Variants in NLRP5 observed in about 807,000 individuals in gnomAD.
The protein encoded by NLRP5 is NACHT, LRR and PYD domains-containing protein 5.
NLRP5 carries 93 observed loss-of-function variants against 113.1 expected under a neutral mutation model. The observed-to-expected ratio is 0.82, with a 90% CI of 0.70 to 0.98. The LOEUF is 0.98. Among genes scored for constraint, NLRP5 ranks in the 50% least tolerant of loss-of-function variants. NLRP5 has a pLI of 0.00. For missense variants in NLRP5, 1,808 were observed against 1,514.3 expected (o/e 1.19, Z -3.22); for synonymous variants, 751 against 600.7 (o/e 1.25, Z -3.66).
In NLRP5 at chr19:56,035,571, C is replaced by T. The variant is rs190551352; in HGVS notation, c.2615+1862C>T. On this transcript the variant is annotated intron_variant, in intron 9 of 14. Coordinates refer to ENST00000390649, the MANE Select transcript of NLRP5 (RefSeq NM_153447.4). ...AAAGATGGATGGAGGCTATTTGGGG[C>T]CAAGGAAGGAAAAAGCATGAAGTCA... 2.8e-4 allele frequency among the ~76,000 whole-genome samples: 43 copies of T among 152,220 alleles called. 1 individual carries two copies. Among genetic ancestry groups the T allele is most frequent in the Admixed American group, 1.5e-3 (23 of 15,292 alleles).
chr19:56,021,174 T>C (rs1404480229), intron 6 of NLRP5, among the ~76,000 whole-genome samples: 1 of 152,126 alleles, frequency 6.6e-6, no homozygotes, highest in Non-Finnish European at 1.5e-5. Flanking sequence ...CCAGCTGCCT[T>C]CATGGCATTT....
At chr19:56,046,827 C>T (rs936013558) in intron 11 of NLRP5, among the ~76,000 whole-genome samples, 2 of 152,238 alleles carry the variant, frequency 1.3e-5, no homozygotes, top group Admixed American at 6.5e-5. Context: ...CCATCGCGCC[C>T]AGCCACCACT....
chr19:56,051,184 TTTTTTC>T (rs1983918953), intron 12 of NLRP5, among the ~76,000 whole-genome samples: 2 of 151,090 alleles, frequency 1.3e-5, no homozygotes, highest in Non-Finnish European at 2.9e-5. Context: ...TGCGTTCTCT[TTTTTTC>T]TTTTTGTTTG....
In NLRP5 at chr19:56,007,898, CGCGTGCGTGTGTGTGTGT is replaced by C. The variant is rs1387156739; in HGVS notation, c.443-888_443-871del. On this transcript the variant is annotated intron_variant, in intron 2 of 14. Coordinates refer to ENST00000390649, the MANE Select transcript of NLRP5 (RefSeq NM_153447.4). ...GTGTGTGTGTGTGTGTGCGCGTGCGCGCGTGCGTGTGTGTGTGTGTGTGTGTGTGTGTGTGTTTGAAAC... is the reference window on the plus strand; with the variant it reads ...GTGTGTGTGTGTGTGTGCGCGTGCGCGTGTGTGTGTGTGTGTGTTTGAAAC... Among the ~76,000 whole-genome samples the C allele has an allele frequency of 2.2e-4, 9 of 41,452 alleles. 2 individuals are homozygous for C. The South Asian group carries it at 2.8e-3, about 13-fold the overall frequency. 27.2% of individuals were successfully genotyped at this position (41,452 alleles called of 152,430 possible). A position where few individuals can be genotyped will look rare whatever the true frequency, so the allele number is the denominator to read the frequency against.
intron 6 of NLRP5, among the ~76,000 whole-genome samples, chr19:56,025,389 T>A (rs1982800058): frequency 1.4e-5 from 2 of 145,518 alleles, no homozygotes; most frequent in Admixed American, 1.4e-4. Context: ...TGCTCCGTTC[T>A]CTCTCTCTCT....
intron 3 of NLRP5, among the ~76,000 whole-genome samples, chr19:56,012,584 A>G (rs1195788913): frequency 6.6e-6 from 1 of 151,862 alleles, no homozygotes; most frequent in African/African-American, 2.4e-5. Flanking sequence ...CCCAAAAAAA[A>G]AAAAAAATCC....
rs757867752 is a variant in NLRP5 at position 56,015,723 on chromosome 19, TCTC to T, written c.509-17_509-15del. 16 of 1,553,504 alleles carry T rather than the reference TCTC, an allele frequency of 1.0e-5. No individual in the cohort carries two copies. The African/African-American group carries it at 1.2e-4, about 12-fold the overall frequency. ...TACACAGTATGTTTGTGTTTATTCT[TCTC>T]CCTTCTCTTTTGCAGGAATTTCACA... On this transcript the variant is annotated splice_polypyrimidine_tract_variant and intron_variant, in intron 3 of 14. Coordinates refer to ENST00000390649, the MANE Select transcript of NLRP5 (RefSeq NM_153447.4).
rs916036920 is a variant in NLRP5 at position 56,031,478 on chromosome 19, A to G, written c.2277-1133A>G. 5.5e-4 allele frequency among the ~76,000 whole-genome samples: 84 copies of G among 152,054 alleles called. 1 individual carries two copies. Among genetic ancestry groups the G allele is most frequent in the African/African-American group, 2.0e-3 (82 of 41,488 alleles). On this transcript the variant is annotated intron_variant, in intron 7 of 14. Transcript: ENST00000390649. Reference sequence around the variant, plus strand: ...ACCCCATCTCTACTAAAAAAATACAAAAATTAGCCAGGCATGGTGGTGGGC... The same window carrying G: ...ACCCCATCTCTACTAAAAAAATACAGAAATTAGCCAGGCATGGTGGTGGGC...
chr19:56,027,349 C>A lies in NLRP5; in HGVS notation c.1116C>A (p.Asn372Lys). The A allele has an allele frequency of 6.2e-7, 1 of 1,613,270 alleles. No homozygotes were observed. The highest frequency in any genetic ancestry group is 8.5e-7 in the Non-Finnish European group (1 of 1,179,818). ...TCGATGACCTGGGCTCTGTCCTCAA[C>A]AATGACACAAAGCTCTGCAAAGACT... Residue 372 changes from asparagine to lysine, a missense_variant, in exon 7 of 15, where the codon AAC (asparagine) becomes AAA (lysine). By Grantham distance (94) the Asn-to-Lys change is moderately conservative. Transcript: ENST00000390649.
upstream of NLRP5, among the ~76,000 whole-genome samples, chr19:55,995,461 G>A (rs950839869): frequency 1.3e-5 from 2 of 152,090 alleles, no homozygotes; most frequent in African/African-American, 4.8e-5. Flanking sequence ...TATTCTGTTG[G>A]TCTATGTCTG....
At chr19:55,998,698 A>ATG (rs1981447817), upstream of NLRP5, among the ~76,000 whole-genome samples, 4 of 76,040 alleles carry the variant, frequency 5.3e-5, no homozygotes, top group South Asian at 5.0e-4. Context: ...ATATATATAT[A>ATG]TATATGTGTG....
the NLRP5 span, among the ~76,000 whole-genome samples, chr19:55,989,733 T>C: frequency 6.6e-6 from 1 of 152,214 alleles, no homozygotes; most frequent in East Asian, 1.9e-4. Flanking sequence ...TGTTGTGCAT[T>C]TTTAAGGATG....
chr19:56,052,004 G>A (rs902995303), intron 12 of NLRP5, among the ~76,000 whole-genome samples: 3 of 152,170 alleles, frequency 2.0e-5, no homozygotes, highest in Non-Finnish European at 4.4e-5. Flanking sequence ...TCTGCATGGT[G>A]TAGAATCTTA....
At position 56,007,904 on chromosome 19, in the gene NLRP5, CGTGTGTGTGTGTGTGTGT is replaced by C. The variant is rs57588214; in HGVS notation, c.443-871_443-854del. On this transcript the variant is annotated intron_variant, in intron 2 of 14. Transcript: ENST00000390649. ...GTGTGTGTGTGCGCGTGCGCGCGTG[CGTGTGTGTGTGTGTGTGT>C]GTGTGTGTGTGTTTGAAACAGAGTC... is the stretch of plus-strand genomic sequence containing the variant. Among the ~76,000 whole-genome samples, 31 of 110,148 alleles carry C rather than the reference CGTGTGTGTGTGTGTGTGT, an allele frequency of 2.8e-4. 4 individuals are homozygous for C. The highest frequency in any genetic ancestry group is 1.0e-3 in the Admixed American group (12 of 11,720). 72.3% of individuals were successfully genotyped at this position (110,148 alleles called of 152,430 possible). A position where few individuals can be genotyped will look rare whatever the true frequency, so the allele number is the denominator to read the frequency against.
At chr19:56,024,354 AAAG>A (rs1270004554) in intron 6 of NLRP5, among the ~76,000 whole-genome samples, 7 of 143,666 alleles carry the variant, frequency 4.9e-5, no homozygotes, top group Non-Finnish European at 9.1e-5. Context: ...AAAAAAAAAA[AAAG>A]AACAAATATA....
intron 7 of NLRP5, among the ~76,000 whole-genome samples, chr19:56,031,068 AC>A: frequency 1.2e-5 from 1 of 84,976 alleles, no homozygotes; most frequent in Non-Finnish European, 3.3e-5. Flanking sequence ...CTGTTCACAA[AC>A]GTGGGAAGGT....
At chr19:56,023,555 G>GT (rs1247783346) in intron 6 of NLRP5, among the ~76,000 whole-genome samples, 1 of 152,138 alleles carries the variant, frequency 6.6e-6, no homozygotes, top group African/African-American at 2.4e-5. Context: ...TTGAAGCGAT[G>GT]TGTAGACATC....
rs1161986683 is a variant in NLRP5, at chr19:56,027,390, C to T, written c.1157C>T (p.Pro386Leu). ...TGCAAAGACTGGGCTGAGAAGCAGCCTCCGTTCACCCTCATACGCAGTCTG... is the reference window on the plus strand; with the variant it reads ...TGCAAAGACTGGGCTGAGAAGCAGCTTCCGTTCACCCTCATACGCAGTCTG... Residue 386 changes from proline (P) to leucine (L), a missense_variant, in exon 7 of 15, where the codon CCT becomes CTT. By Grantham distance (98) the Pro-to-Leu change is moderately conservative (BLOSUM62 -3). Coordinates refer to ENST00000390649, the MANE Select transcript of NLRP5 (RefSeq NM_153447.4). 1 of 1,613,526 alleles carries T rather than the reference C, an allele frequency of 6.2e-7. No individual in the cohort carries two copies. The highest frequency in any genetic ancestry group is 1.1e-5 in the South Asian group (1 of 91,004).
chr19:56,005,900 C>T (rs374518658), intron 2 of NLRP5, among the ~76,000 whole-genome samples: 1 of 152,172 alleles, frequency 6.6e-6, no homozygotes, highest in African/African-American at 2.4e-5. Flanking sequence ...ATGGCTGAAG[C>T]TGTGATAGAG....
Sources: gnomAD v4.1 joint callset for allele counts (sites outside exome capture counted in the v4.1 genomes callset) on GRCh38, gnomAD v4.1.1 for gene constraint, MANE v1.5 for transcripts, NCBI Gene and HGNC (gene_info 2026-07-23, HGNC 2026-07-21) for gene names.